Variants in RSU1 observed in about 807,000 individuals in gnomAD.
RSU1 encodes rsu-1.
RSU1 carries 26 observed loss-of-function variants against 31.1 expected under a neutral mutation model. The ratio of observed to expected loss-of-function variants is 0.84; its 90% CI spans 0.61 to 1.16. The LOEUF (loss-of-function observed/expected upper bound fraction) is 1.16, where lower values mean the gene tolerates loss of function less well. RSU1 is among the 50% of genes most tolerant of loss of function. The probability of loss-of-function intolerance (pLI) is 0.00; values close to 1 mark genes in which losing one functional copy is unlikely to be tolerated. For synonymous variants in RSU1, 164 were observed against 136.3 expected, an observed-to-expected ratio of 1.20 and a Z score of -1.41; for missense variants, 320 against 339.1, an observed-to-expected ratio of 0.94 and a Z score of 0.44.
intron 8 of RSU1, among the ~76,000 whole-genome samples, chr10:16,598,043 G>A (rs750222874): frequency 1.5e-4 from 23 of 152,204 alleles, no homozygotes; most frequent in Non-Finnish European, 1.9e-4. Flanking sequence ...TACGAGCCAC[G>A]GGGCCTCAAC....
chr10:16,648,465 T>C (rs1431188330), intron 8 of RSU1, among the ~76,000 whole-genome samples: 1 of 152,098 alleles, frequency 6.6e-6, no homozygotes, highest in Non-Finnish European at 1.5e-5. Flanking sequence ...CCTACGAAGA[T>C]AGGTCAAAGT....
intron 3 of RSU1, among the ~76,000 whole-genome samples, chr10:16,778,344 T>C (rs1483540049): frequency 1.3e-5 from 2 of 152,148 alleles, no homozygotes; most frequent in Non-Finnish European, 2.9e-5. Context: ...AACCATCTGA[T>C]CCCAATGTTC....
chr10:16,609,462 C>A (rs900267328), intron 8 of RSU1, among the ~76,000 whole-genome samples: 2 of 152,198 alleles, frequency 1.3e-5, no homozygotes, highest in East Asian at 3.9e-4. Flanking sequence ...CCACAAAACA[C>A]CCCTGGAAGG....
intron 8 of RSU1, among the ~76,000 whole-genome samples, chr10:16,635,269 A>G (rs1269611252): frequency 6.6e-6 from 1 of 152,170 alleles, no homozygotes; most frequent in Non-Finnish European, 1.5e-5. Context: ...TCACCTCTTG[A>G]ATTATCATCT....
chr10:16,795,969 C>G (rs1838021971), intron 2 of RSU1, among the ~76,000 whole-genome samples: 1 of 152,188 alleles, frequency 6.6e-6, no homozygotes, highest in African/African-American at 2.4e-5. Context: ...CCATACTTCT[C>G]ACCTGAACCT....
At chr10:16,722,921 T>TAAATATACACACATATAC (rs1836304559) in intron 7 of RSU1, among the ~76,000 whole-genome samples, 2 of 146,178 alleles carry the variant, frequency 1.4e-5, no homozygotes, top group Non-Finnish European at 3.0e-5. Context: ...TACATATATG[T>TAAATATACACACATATAC]ATATATACAC....
intron 3 of RSU1, among the ~76,000 whole-genome samples, chr10:16,778,982 T>C (rs1837597607): frequency 6.6e-6 from 1 of 152,222 alleles, no homozygotes; most frequent in South Asian, 2.1e-4. Context: ...AGGATGGCTT[T>C]GCATTCTGAC....
At chr10:16,683,873 C>T (rs954911561) in intron 8 of RSU1, among the ~76,000 whole-genome samples, 6 of 152,176 alleles carry the variant, frequency 3.9e-5, no homozygotes, top group Non-Finnish European at 5.9e-5. Flanking sequence ...TCGAACAATT[C>T]GAAGCTGGGT....
At position 16,660,384 on chromosome 10, in the gene RSU1, T is replaced by C. The variant is rs191865792; in HGVS notation, c.731+34639A>G. 1.9e-3 allele frequency among the ~76,000 whole-genome samples: 291 copies of C among 152,260 alleles called. 1 individual carries two copies. Among genetic ancestry groups the C allele is most frequent in the African/African-American group, 4.2e-3 (173 of 41,552 alleles). On this transcript the variant is annotated intron_variant, in intron 8 of 8. Transcript: ENST00000345264. ...GTCCTTTGTGTTTGACCCAGGAATG[T>C]TGTGTCTTCAAACAGCATCCATGAA...
intron 8 of RSU1, among the ~76,000 whole-genome samples, chr10:16,641,489 C>A (rs1463587062): frequency 2.6e-5 from 3 of 114,418 alleles, no homozygotes; most frequent in Non-Finnish European, 3.3e-5. Context: ...GAGACTTTAT[C>A]TCAAAAAAAA....
intron 2 of RSU1, among the ~76,000 whole-genome samples, chr10:16,800,852 A>G (rs1838140452): frequency 6.6e-6 from 1 of 152,164 alleles, no homozygotes; most frequent in Admixed American, 6.5e-5. Context: ...ATAAATTTTT[A>G]AATGTACATT....
intron 8 of RSU1, among the ~76,000 whole-genome samples, chr10:16,655,067 A>C (rs1834753959): frequency 7.7e-6 from 1 of 129,592 alleles, no homozygotes; most frequent in African/African-American, 3.2e-5. Context: ...AAAAAAAAAA[A>C]AAAAAAAAGA....
intron 8 of RSU1, among the ~76,000 whole-genome samples, chr10:16,633,120 G>T (rs897985809): frequency 6.6e-6 from 1 of 152,064 alleles, no homozygotes. Context: ...CAGCACCCCC[G>T]GCTGTTACCC....
At chr10:16,758,640 A>T (rs377028510) in intron 4 of RSU1, among the ~76,000 whole-genome samples, 4 of 152,306 alleles carry the variant, frequency 2.6e-5, no homozygotes, top group African/African-American at 9.6e-5. Flanking sequence ...CACTGAGAGG[A>T]TAAGAGAGAA....
rs191320980 is a variant in RSU1, at chr10:16,667,497, T to C, written c.731+27526A>G. Among the ~76,000 whole-genome samples the C allele has an allele frequency of 1.8e-3, 273 of 152,214 alleles. 2 individuals carry two copies. The highest frequency in any genetic ancestry group is 3.4e-3 in the Middle Eastern group (1 of 294). On this transcript the variant is annotated intron_variant, in intron 8 of 8. Transcript: ENST00000345264. ...ATTAACTCTATTATTTATTAATTTT[T>C]TTTTTTTTGAGACAGAGTCTCCCTC...
At chr10:16,680,043 G>A (rs1046923410) in intron 8 of RSU1, among the ~76,000 whole-genome samples, 2 of 151,814 alleles carry the variant, frequency 1.3e-5, no homozygotes, top group Non-Finnish European at 2.9e-5. Context: ...CACCATGCCT[G>A]GCTAATTTTT....
intron 8 of RSU1, among the ~76,000 whole-genome samples, chr10:16,620,423 C>G (rs1304771096): frequency 6.6e-6 from 1 of 152,002 alleles, no homozygotes; most frequent in Non-Finnish European, 1.5e-5. Context: ...TCTTTGGGAA[C>G]TGACATTCAG....
chr10:16,776,545 C>A (rs1588527804), intron 3 of RSU1, among the ~76,000 whole-genome samples: 2 of 151,176 alleles, frequency 1.3e-5, no homozygotes, highest in South Asian at 2.1e-4. Flanking sequence ...ACCTGCCTGG[C>A]CATTTCCGAT....
Position 16,592,527 on chromosome 10 carries a change from G to A in RSU1, c.*867C>T, listed in dbSNP as rs548099631. The A allele has an allele frequency of 1.3e-5, 2 of 152,234 alleles. No homozygotes were observed. Among genetic ancestry groups the A allele is most frequent in the East Asian group, 1.9e-4 (1 of 5,176 alleles). 9.4% of individuals were successfully genotyped at this position (152,234 alleles called of 1,614,324 possible). ...TCGAAGTCGCTTAGAAGAATGCTTC[G>A]ATGCGAGCAGATTTTCCGCCGTGAC... is the stretch of plus-strand genomic sequence containing the variant. On this transcript the variant is annotated 3_prime_UTR_variant, in exon 9 of 9. Coordinates refer to ENST00000345264, the MANE Select transcript of RSU1 (RefSeq NM_012425.4).
Sources: gnomAD v4.1 joint callset for allele counts (sites outside exome capture counted in the v4.1 genomes callset) on GRCh38, gnomAD v4.1.1 for gene constraint, MANE v1.5 for transcripts, NCBI Gene and HGNC (gene_info 2026-07-23, HGNC 2026-07-21) for gene names.